MKLN1: variants seen among roughly 807,000 people sequenced by gnomAD.
MKLN1 encodes muskelin.
Under a neutral mutation model 99.0 loss-of-function variants are expected in MKLN1, and 18 were observed. The ratio of observed to expected loss-of-function variants is 0.18; its 90% CI spans 0.13 to 0.27. MKLN1 has a LOEUF of 0.27. Ranked by LOEUF, MKLN1 falls within the 10% of genes least tolerant of loss-of-function variation. The pLI, the probability that MKLN1 is intolerant of heterozygous loss-of-function variation, is 1.00. For missense variants in MKLN1, 621 were observed against 875.9 expected, an observed-to-expected ratio of 0.71 and a Z score of 3.67; for synonymous variants, 288 against 293.2, an observed-to-expected ratio of 0.98 and a Z score of 0.18.
chr7:131,333,302 TG>T (rs1439118713), intron 1 of MKLN1, among the ~76,000 whole-genome samples: 2 of 152,136 alleles, frequency 1.3e-5, no homozygotes, highest in Non-Finnish European at 2.9e-5. Flanking sequence ...CTCCAGCTCC[TG>T]GGCTCAAGTG....
chr7:131,414,550 T>C (rs1794962301), intron 7 of MKLN1, 95 bp from the exon 8 acceptor site: 2 of 764,368 alleles, frequency 2.6e-6, no homozygotes, highest in African/African-American at 1.8e-5. Context: ...AAGGGTGGGT[T>C]ATTTTTACTA....
rs527810445 is a variant in MKLN1, at chr7:131,368,182, T to C, written c.99-7242T>C. On this transcript the variant is annotated intron_variant, in intron 1 of 17. Coordinates refer to ENST00000352689, the MANE Select transcript of MKLN1 (RefSeq NM_013255.5). The stretch of plus-strand genomic sequence containing the variant: ...TGCCTTGCAGGAGAGTGGAAATGGG[T>C]GGAGGGGAGCAACATCATAGGAGGA... 1.2e-4 allele frequency among the ~76,000 whole-genome samples: 18 copies of C among 152,116 alleles called. No individual in the cohort carries two copies. The South Asian group carries it at 3.7e-3, about 32-fold the overall frequency.
At position 131,333,772 on chromosome 7, in the gene MKLN1, A is replaced by G. The variant is rs570154077; in HGVS notation, c.98+5775A>G. On this transcript the variant is annotated intron_variant, in intron 1 of 17. Transcript: ENST00000352689. ...AGGCTGGTCCCGAACTCCTGACCTC[A>G]GGTGATCCGCCCACCTCGGCCTTCC... Among the ~76,000 whole-genome samples, 26 of 152,288 alleles carry G rather than the reference A, an allele frequency of 1.7e-4. No homozygotes were observed. In the East Asian group the frequency reaches 3.1e-3, roughly 18 times the overall value.
In MKLN1 at chr7:131,464,393, C is replaced by T. The variant is rs755744867; in HGVS notation, c.1773C>T (p.Tyr591=). ...PCPRFAHQLV[Y]DELHKVHYLF... is the part of the protein sequence containing the mutation. ...CAAGGTTTGCCCATCAGCTTGTATA[C>T]GATGAGCTACACAAGGTATCCTAAC... Residue 591 remains tyrosine (Y), a synonymous_variant, in exon 14 of 18, where the codon TAC becomes TAT. Transcript: ENST00000352689. 12 of 1,607,358 alleles carry T rather than the reference C, an allele frequency of 7.5e-6. No individual in the cohort carries two copies. In the African/African-American group the frequency reaches 9.4e-5, roughly 13 times the overall value.
At chr7:131,147,217 A>ATTT (rs71168371) in intron 2 of MKLN1, among the ~76,000 whole-genome samples, 21,510 of 136,066 alleles carry the variant, frequency 0.16, 2,160 homozygotes, top group East Asian at 0.44. Flanking sequence ...ACACCCAGCT[A>ATTT]TTTTTTTTTT....
At chr7:131,308,406 C>T (rs1429399468) in intron 3 of MKLN1, among the ~76,000 whole-genome samples, 1 of 151,830 alleles carries the variant, frequency 6.6e-6, no homozygotes, top group Non-Finnish European at 1.5e-5. Flanking sequence ...GGATTACAGG[C>T]ATGCATCACT....
In MKLN1 at chr7:131,443,663, C is replaced by T; in HGVS notation, c.1356C>T (p.Asp452=). Reference sequence around the variant, plus strand: ...ACTCCTGTAATGCTGGGCCTGAGGACATCCAGTCTCGAATAGGACACTGCA... The same window carrying T: ...ACTCCTGTAATGCTGGGCCTGAGGATATCCAGTCTCGAATAGGACACTGCA... ...REDSCNAGPE[D]IQSRIGHCML... Residue 452 remains aspartate, a synonymous_variant, in exon 11 of 18, where the codon GAC becomes GAT. Transcript: ENST00000352689. 1.9e-6 allele frequency: 3 copies of T among 1,613,942 alleles called. No homozygotes were observed. The highest frequency in any genetic ancestry group is 2.5e-6 in the Non-Finnish European group (3 of 1,179,796).
chr7:131,271,100 G>A (rs1259614623), intron 3 of MKLN1, among the ~76,000 whole-genome samples: 1 of 152,094 alleles, frequency 6.6e-6, no homozygotes, highest in East Asian at 1.9e-4. Flanking sequence ...GTCCAGTTGA[G>A]GAGACTAGCA....
rs1159344518 is a variant in MKLN1, at chr7:131,452,544, C to CTTTTTTT, written c.1525+6660_1525+6666dup. On this transcript the variant is annotated intron_variant, in intron 12 of 17. Coordinates refer to ENST00000352689, the MANE Select transcript of MKLN1 (RefSeq NM_013255.5). ...TCTTTATGTTTCTGATCCTTTTATA[C>CTTTTTTT]TTTTTTTTTTTTTTTTTTTTTTTTT... is the stretch of plus-strand genomic sequence containing the variant. 2.6e-3 allele frequency among the ~76,000 whole-genome samples: 186 copies of CTTTTTTT among 70,346 alleles called. 1 individual carries two copies. Among genetic ancestry groups the CTTTTTTT allele is most frequent in the Non-Finnish European group, 3.2e-3 (127 of 40,078 alleles). 46.1% of individuals were successfully genotyped at this position (70,346 alleles called of 152,430 possible). A position where few individuals can be genotyped will look rare whatever the true frequency, so the allele number is the denominator to read the frequency against.
intron 1 of MKLN1, among the ~76,000 whole-genome samples, chr7:131,360,370 C>G (rs1264869944): frequency 1.3e-5 from 2 of 152,110 alleles, no homozygotes; most frequent in African/African-American, 4.8e-5. Context: ...TGTTTCTTCT[C>G]TTCCCCTTTT....
intron 14 of MKLN1, among the ~76,000 whole-genome samples, chr7:131,465,145 A>T (rs1319336596): frequency 6.6e-6 from 1 of 152,216 alleles, no homozygotes; most frequent in South Asian, 2.1e-4. Context: ...TAGAGATAAT[A>T]ACTATTATAT....
intron 3 of MKLN1, among the ~76,000 whole-genome samples, chr7:131,227,627 G>A (rs538335838): frequency 6.6e-6 from 1 of 150,566 alleles, no homozygotes; most frequent in South Asian, 2.1e-4. Context: ...GTGCGGTGGA[G>A]CAATCTTGGC....
At chr7:131,282,082 G>A (rs1798059547) in intron 3 of MKLN1, among the ~76,000 whole-genome samples, 1 of 152,176 alleles carries the variant, frequency 6.6e-6, no homozygotes, top group Admixed American at 6.5e-5. Flanking sequence ...GGGCATGGTG[G>A]CTCATGCCTG....
chr7:131,431,042 G>A (rs1795507260), intron 9 of MKLN1, among the ~76,000 whole-genome samples: 2 of 152,082 alleles, frequency 1.3e-5, no homozygotes, highest in Admixed American at 1.3e-4. Context: ...TGACCAACAT[G>A]GTGGAACCCC....
intron 1 of MKLN1, among the ~76,000 whole-genome samples, chr7:131,125,671 G>C (rs1337833852): frequency 6.6e-6 from 1 of 152,116 alleles, no homozygotes; most frequent in East Asian, 1.9e-4. Flanking sequence ...AGGAGTTCGA[G>C]ACCAGCCTGG....
rs185909078 is a variant in MKLN1, at chr7:131,327,971, C to T, written c.72C>T (p.Ser24=). The change falls in exon 1 of 18, where the codon AGC becomes AGT. Residue 24 remains serine (S), a synonymous_variant. Transcript: ENST00000352689. ...TCCCCTACGCGCTACACAAGTGGAG[C>T]TCCTTTTCCTCCACCTACCTTCCCG... ...RLLPYALHKW[S]SFSSTYLPEN... The T allele has an allele frequency of 2.9e-5, 47 of 1,613,910 alleles. No homozygotes were observed. In the Admixed American group the frequency reaches 6.3e-4, roughly 22 times the overall value.
intron 1 of MKLN1, among the ~76,000 whole-genome samples, chr7:131,122,779 T>C (rs926376172): frequency 2.6e-5 from 4 of 151,906 alleles, no homozygotes; most frequent in African/African-American, 9.7e-5. Context: ...CCCAGTACTT[T>C]GAGAGGCCGA....
intron 1 of MKLN1, among the ~76,000 whole-genome samples, chr7:131,370,989 C>T (rs1793427896): frequency 6.6e-6 from 1 of 152,134 alleles, no homozygotes; most frequent in Non-Finnish European, 1.5e-5. Flanking sequence ...GCTAACCTCA[C>T]TCCGTTTCTG....
chr7:131,234,552 C>T (rs1397438337), intron 3 of MKLN1, among the ~76,000 whole-genome samples: 4 of 152,118 alleles, frequency 2.6e-5, no homozygotes, highest in Admixed American at 6.5e-5. Context: ...GGAAGCCTGT[C>T]TTTTCTGGTG....
Sources: allele counts gnomAD v4.1 joint callset (sites outside exome capture counted in the v4.1 genomes callset), GRCh38; gene constraint gnomAD v4.1.1; transcripts MANE v1.5; gene names NCBI Gene and HGNC (gene_info 2026-07-23, HGNC 2026-07-21).